The following PCDH15 variants were observed in gnomAD, a reference collection of about 807,000 sequenced individuals.
PCDH15 encodes the protein protocadherin related 15, also known as protocadherin-15.
Under a neutral mutation model 178.5 loss-of-function variants are expected in PCDH15, and 129 were observed. The ratio of observed to expected loss-of-function variants is 0.72; its 90% CI spans 0.63 to 0.84. The LOEUF (loss-of-function observed/expected upper bound fraction) is 0.84. Among genes scored for constraint, PCDH15 ranks in the 40% least tolerant of loss-of-function variants. The pLI is 0.00. For missense variants in PCDH15, 2,230 were observed against 2,099.9 expected, an observed-to-expected ratio of 1.06 and a Z score of -1.21; for synonymous variants, 800 against 732.0, an observed-to-expected ratio of 1.09 and a Z score of -1.50.
rs1591567770 is a variant in PCDH15, at chr10:54,775,633, C to T, written c.-29+25292G>A. Among the ~76,000 whole-genome samples, 6 of 152,236 alleles carry T rather than the reference C, an allele frequency of 3.9e-5. 1 individual carries two copies. Among genetic ancestry groups the T allele is most frequent in the Admixed American group, 3.9e-4 (6 of 15,286 alleles). On this transcript the variant is annotated intron_variant, in intron 1 of 37. Coordinates refer to ENST00000644397, the MANE Select transcript of PCDH15 (RefSeq NM_001384140.1). ...AATATCTCGGCCGGGCGCGGTGGCTCACGCTTGTAATCCCAGTACTCTGGG... is the reference window on the plus strand; with the variant it reads ...AATATCTCGGCCGGGCGCGGTGGCTTACGCTTGTAATCCCAGTACTCTGGG...
At chr10:54,173,245 T>C (rs2047088370) in intron 13 of PCDH15, among the ~76,000 whole-genome samples, 1 of 152,130 alleles carries the variant, frequency 6.6e-6, no homozygotes, top group Non-Finnish European at 1.5e-5. Flanking sequence ...TCATTAGTAG[T>C]CTAGTAATTA....
At chr10:55,043,121 T>C (rs1349076389) in intron 2 of PCDH15, among the ~76,000 whole-genome samples, 2 of 152,046 alleles carry the variant, frequency 1.3e-5, no homozygotes, top group African/African-American at 4.8e-5. Flanking sequence ...TGTTTTCTTT[T>C]TGTTTGTTTG....
At chr10:55,098,542 T>C (rs918147402) in intron 2 of PCDH15, among the ~76,000 whole-genome samples, 2 of 152,100 alleles carry the variant, frequency 1.3e-5, no homozygotes, top group African/African-American at 2.4e-5. Flanking sequence ...TACCTCAGAC[T>C]AGACATGTTC....
At chr10:54,900,369 T>C (rs1954619319) in intron 2 of PCDH15, among the ~76,000 whole-genome samples, 1 of 152,168 alleles carries the variant, frequency 6.6e-6, no homozygotes, top group Non-Finnish European at 1.5e-5. Flanking sequence ...CTTATAATAT[T>C]TAATAAACAG....
intron 2 of PCDH15, among the ~76,000 whole-genome samples, chr10:54,907,480 ACT>A (rs1320189485): frequency 1.3e-5 from 2 of 152,160 alleles, no homozygotes; most frequent in Admixed American, 6.6e-5. Context: ...GACGTCACAT[ACT>A]GAACTTAGTA....
At chr10:54,330,952 G>T (rs1939403567) in intron 6 of PCDH15, among the ~76,000 whole-genome samples, 1 of 151,524 alleles carries the variant, frequency 6.6e-6, no homozygotes, top group African/African-American at 2.4e-5. Flanking sequence ...ATCTGCATTA[G>T]ATTGCTGCAA....
intron 2 of PCDH15, among the ~76,000 whole-genome samples, chr10:54,563,710 G>A (rs1292113015): frequency 3.3e-5 from 5 of 152,088 alleles, no homozygotes; most frequent in Non-Finnish European, 7.4e-5. Flanking sequence ...GTTAAATTGT[G>A]GCTCCAGCTT....
intron 2 of PCDH15, among the ~76,000 whole-genome samples, chr10:55,034,395 C>A (rs74774671): frequency 7.9e-5 from 12 of 152,162 alleles, no homozygotes; most frequent in African/African-American, 2.9e-4. Context: ...TTAAAATGAT[C>A]AATTGCAGAT....
chr10:54,863,489 C>T (rs1953882850), intron 3 of PCDH15, among the ~76,000 whole-genome samples: 3 of 152,178 alleles, frequency 2.0e-5, no homozygotes, highest in Admixed American at 6.5e-5. Context: ...TTGCAGCGAG[C>T]CGAGATCGTG....
chr10:54,206,265 A>G (rs555854584), intron 10 of PCDH15, among the ~76,000 whole-genome samples: 3 of 152,110 alleles, frequency 2.0e-5, no homozygotes, highest in Admixed American at 6.6e-5. Flanking sequence ...TGATTTAAAG[A>G]AAAAATAACC....
chr10:54,860,145 T>TA (rs1373055778), intron 3 of PCDH15, among the ~76,000 whole-genome samples: 2 of 152,186 alleles, frequency 1.3e-5, no homozygotes, highest in East Asian at 3.9e-4. Context: ...CTGAGTTTTT[T>TA]AAAAATGCAA....
intron 3 of PCDH15, among the ~76,000 whole-genome samples, chr10:54,476,196 T>C (rs1241472825): frequency 6.6e-6 from 1 of 151,682 alleles, no homozygotes; most frequent in Non-Finnish European, 1.5e-5. Flanking sequence ...TGACTGAAGA[T>C]TACACACATA....
At chr10:55,496,344 T>C (rs1840533782) in intron 2 of PCDH15, among the ~76,000 whole-genome samples, 1 of 151,828 alleles carries the variant, frequency 6.6e-6, no homozygotes, top group South Asian at 2.1e-4. Context: ...AGGCCTGGCT[T>C]ACTTTTTTAT....
chr10:54,681,357 A>C (rs2135659883), intron 1 of PCDH15, among the ~76,000 whole-genome samples: 1 of 152,342 alleles, frequency 6.6e-6, no homozygotes, highest in East Asian at 1.9e-4. Flanking sequence ...ACATGGCACT[A>C]ACATAGGCTA....
At chr10:54,580,857 A>T (rs1045024653) in intron 2 of PCDH15, among the ~76,000 whole-genome samples, 3 of 152,066 alleles carry the variant, frequency 2.0e-5, no homozygotes, top group African/African-American at 7.2e-5. Flanking sequence ...TGTAATTATG[A>T]TCATCTCCAT....
chr10:54,389,280 T>C (rs986809298), intron 3 of PCDH15, among the ~76,000 whole-genome samples: 1 of 152,218 alleles, frequency 6.6e-6, no homozygotes, highest in African/African-American at 2.4e-5. Context: ...AGATAAAGGC[T>C]GGTTTATCAG....
At chr10:54,605,089 C>T (rs2092689974) in intron 2 of PCDH15, among the ~76,000 whole-genome samples, 1 of 151,712 alleles carries the variant, frequency 6.6e-6, no homozygotes. Context: ...CATATCTTAA[C>T]ATGTGTATCT....
In PCDH15 at chr10:55,444,176, C is replaced by T. The variant is rs1839263044; in HGVS notation, c.-156+183449G>A. 2.0e-5 allele frequency among the ~76,000 whole-genome samples: 3 copies of T among 151,522 alleles called. No homozygotes were observed. In the South Asian group the frequency reaches 6.3e-4, roughly 32 times the overall value. On this transcript the variant is annotated intron_variant, in intron 2 of 5. Coordinates refer to the PCDH15 transcript ENST00000613346. ...GGAGGGTTAGCATTAGGAGAAATACCTAATGTAGATGATGGGTGGATGGGT... is the reference window on the plus strand; with the variant it reads ...GGAGGGTTAGCATTAGGAGAAATACTTAATGTAGATGATGGGTGGATGGGT...
intron 1 of PCDH15, among the ~76,000 whole-genome samples, chr10:55,201,239 C>T (rs1285263185): frequency 1.3e-5 from 2 of 152,096 alleles, no homozygotes; most frequent in Admixed American, 6.5e-5. Context: ...GACCTCCATA[C>T]TCCCTAAAAA....
Sources: gnomAD v4.1 joint callset for allele counts (sites outside exome capture counted in the v4.1 genomes callset) on GRCh38, gnomAD v4.1.1 for gene constraint, MANE v1.5 for transcripts, NCBI Gene and HGNC (gene_info 2026-07-23, HGNC 2026-07-21) for gene names.